Variants in PCSK1 observed in about 807,000 individuals in gnomAD.
The protein encoded by PCSK1 is neuroendocrine convertase 1.
Under a neutral mutation model 90.6 loss-of-function variants are expected in PCSK1, and 56 were observed. That is an observed-to-expected ratio of 0.62 (90% confidence interval 0.50 to 0.77). The LOEUF (loss-of-function observed/expected upper bound fraction) is 0.77, where lower values mean the gene tolerates loss of function less well. Among genes scored for constraint, PCSK1 ranks in the 30% least tolerant of loss-of-function variants. The probability of loss-of-function intolerance (pLI) is 0.00; values close to 1 mark genes in which losing one functional copy is unlikely to be tolerated. For missense variants in PCSK1, 801 were observed against 932.6 expected (o/e 0.86, Z 1.84); for synonymous variants, 348 against 342.4 (o/e 1.02, Z -0.18).
chr5:96,398,961 C>T lies in PCSK1; in HGVS notation c.1506G>A (p.Lys502=). ...RACEGQENAI[K]SLEHVQFEAT... ...CTTCAAATTGTACATGCTCCAGGGACTTGATAGCATTTTCTTGTCCTTCAC... is the reference window on the plus strand; with the variant it reads ...CTTCAAATTGTACATGCTCCAGGGATTTGATAGCATTTTCTTGTCCTTCAC... The change falls in exon 11 of 14, where the codon AAG becomes AAA. Residue 502 remains lysine (K), a synonymous_variant. Coordinates refer to ENST00000311106, the MANE Select transcript of PCSK1 (RefSeq NM_000439.5). 1.2e-6 allele frequency: 2 copies of T among 1,612,806 alleles called. No homozygotes were observed. Among genetic ancestry groups the T allele is most frequent in the Non-Finnish European group, 1.7e-6 (2 of 1,178,874 alleles).
chr5:96,431,547 C>T (rs535838352), intron 1 of PCSK1, among the ~76,000 whole-genome samples: 3 of 152,280 alleles, frequency 2.0e-5, no homozygotes, highest in Admixed American at 6.5e-5. Flanking sequence ...CCTCTTATTC[C>T]TCAGCCCCTA....
chr5:96,425,708 C>G, intron 3 of PCSK1, 112 bp downstream of exon 3: 1 of 692,892 alleles, frequency 1.4e-6, no homozygotes, highest in South Asian at 1.6e-5. Context: ...CAATATAGCT[C>G]CCTATGAAAT....
At chr5:96,404,776 G>A (rs1481418113) in intron 9 of PCSK1, among the ~76,000 whole-genome samples, 1 of 152,120 alleles carries the variant, frequency 6.6e-6, no homozygotes, top group African/African-American at 2.4e-5. Flanking sequence ...TGGGATCTTG[G>A]TTATATATCT....
chr5:96,408,112 T>G (rs1760632509), intron 9 of PCSK1, 111 bp downstream of exon 9: 1 of 750,376 alleles, frequency 1.3e-6, no homozygotes, highest in African/African-American at 1.7e-5. Flanking sequence ...TTATCTTTAT[T>G]TGCAGTATTC....
At chr5:96,405,704 G>T (rs769601239) in intron 9 of PCSK1, among the ~76,000 whole-genome samples, 2 of 152,176 alleles carry the variant, frequency 1.3e-5, no homozygotes, top group Non-Finnish European at 2.9e-5. Context: ...ATTATTTTCT[G>T]TATAGGATCA....
intron 5 of PCSK1, among the ~76,000 whole-genome samples, chr5:96,419,958 G>T (rs1364083708): frequency 6.6e-6 from 1 of 151,922 alleles, no homozygotes; most frequent in Non-Finnish European, 1.5e-5. Context: ...ACCCACACTG[G>T]ATCCTGGGGC....
In PCSK1 at chr5:96,400,048, A is replaced by G. The variant is rs1471206977; in HGVS notation, c.1335T>C (p.Asn445=). 2.5e-6 allele frequency: 4 copies of G among 1,614,070 alleles called. No individual in the cohort carries two copies. Among genetic ancestry groups the G allele is most frequent in the Non-Finnish European group, 3.4e-6 (4 of 1,180,024 alleles). The change falls in exon 10 of 14, where the codon AAT becomes AAC. Residue 445 remains asparagine (N), a synonymous_variant. Transcript: ENST00000311106. ...CAGCTAAATCCACCAGAGCTTTGGC[A>G]TTTAGCAAGCCAAATCCAAATCGAC... ...VNSRFGFGLL[N]AKALVDLADP...
chr5:96,391,951 T>C lies in PCSK1; in HGVS notation c.*1050A>G, dbSNP rs1431808838. 6.6e-6 allele frequency: 1 copy of C among 152,218 alleles called. No homozygotes were observed. The highest frequency in any genetic ancestry group is 1.5e-5 in the Non-Finnish European group (1 of 68,040). 9.4% of individuals were successfully genotyped at this position (152,218 alleles called of 1,614,324 possible). On this transcript the variant is annotated 3_prime_UTR_variant, in exon 14 of 14. Transcript: ENST00000311106. ...ATTTGGACACTATCAGTGATAGGAT[T>C]GGAGAAGAACTTTTAGTATCAAGGA... is the stretch of plus-strand genomic sequence containing the variant.
intron 5 of PCSK1, 120 bp downstream of exon 5, chr5:96,421,760 A>T (rs561483108): frequency 1.3e-6 from 1 of 754,562 alleles, no homozygotes; most frequent in East Asian, 2.5e-5. Context: ...TGTGGTATGG[A>T]TGTTGTGCAT....
chr5:96,397,804 T>A (rs1336893104), intron 11 of PCSK1, among the ~76,000 whole-genome samples: 1 of 151,542 alleles, frequency 6.6e-6, no homozygotes, highest in Non-Finnish European at 1.5e-5. Context: ...AATTAGAGAG[T>A]CAAAAATCTA....
At chr5:96,419,863 G>C (rs1761065107) in intron 5 of PCSK1, among the ~76,000 whole-genome samples, 1 of 152,106 alleles carries the variant, frequency 6.6e-6, no homozygotes, top group Non-Finnish European at 1.5e-5. Context: ...GAAGGTCTGA[G>C]TGTTCCATCT....
At chr5:96,397,882 G>T (rs1392031912) in intron 11 of PCSK1, among the ~76,000 whole-genome samples, 2 of 151,836 alleles carry the variant, frequency 1.3e-5, no homozygotes, top group East Asian at 3.8e-4. Context: ...GTAGGTGCCT[G>T]ACTCCATAAT....
rs1759957868 is a variant in PCSK1 at position 96,391,948 on chromosome 5, G to C, written c.*1053C>G. 1 of 151,996 alleles carries C rather than the reference G, an allele frequency of 6.6e-6. No individual in the cohort carries two copies. The highest frequency in any genetic ancestry group is 2.1e-4 in the South Asian group (1 of 4,774). The allele number at this position is 151,996 out of a possible 1,614,324, so 9.4% of individuals were successfully genotyped here. On this transcript the variant is annotated 3_prime_UTR_variant, in exon 14 of 14. Coordinates refer to ENST00000311106, the MANE Select transcript of PCSK1 (RefSeq NM_000439.5). ...AGAATTTGGACACTATCAGTGATAG[G>C]ATTGGAGAAGAACTTTTAGTATCAA... is the stretch of plus-strand genomic sequence containing the variant.
At chr5:96,432,331 C>G (rs1761533767) in intron 1 of PCSK1, among the ~76,000 whole-genome samples, 1 of 152,218 alleles carries the variant, frequency 6.6e-6, no homozygotes, top group South Asian at 2.1e-4. Flanking sequence ...GCAGCTGGCA[C>G]TCTTCCAATG....
intron 9 of PCSK1, among the ~76,000 whole-genome samples, chr5:96,407,020 A>T (rs966164257): frequency 6.6e-6 from 1 of 152,240 alleles, no homozygotes; most frequent in African/African-American, 2.4e-5. Context: ...TTTTTTTAAC[A>T]TCATACACTA....
chr5:96,401,981 G>C (rs1760391989), intron 9 of PCSK1, among the ~76,000 whole-genome samples: 1 of 152,170 alleles, frequency 6.6e-6, no homozygotes, highest in Admixed American at 6.5e-5. Context: ...TTTGAGACCT[G>C]TATTGTTCCC....
intron 9 of PCSK1, among the ~76,000 whole-genome samples, chr5:96,401,787 A>T (rs1760385138): frequency 6.6e-6 from 1 of 152,174 alleles, no homozygotes; most frequent in Admixed American, 6.5e-5. Context: ...AGAAGTGGTG[A>T]GATCTTTATC....
chr5:96,421,992 TTAAAAAAA>T (rs1580764660), intron 4 of PCSK1, 36 bp from the exon 5 acceptor site: 12 of 388,366 alleles, frequency 3.1e-5, no homozygotes, highest in African/African-American at 5.6e-5. Context: ...TGTGGCAGCA[TTAAAAAAA>T]AAAAAAAAAA....
intron 6 of PCSK1, 137 bp from the exon 7 acceptor site, chr5:96,412,627 C>A: frequency 2.5e-6 from 2 of 787,566 alleles, no homozygotes; most frequent in Non-Finnish European, 4.1e-6. Flanking sequence ...TAGATGTCCC[C>A]AATTTCTGTA....
Sources: gnomAD v4.1 joint callset for allele counts (sites outside exome capture counted in the v4.1 genomes callset) on GRCh38, gnomAD v4.1.1 for gene constraint, MANE v1.5 for transcripts, NCBI Gene and HGNC (gene_info 2026-07-23, HGNC 2026-07-21) for gene names.